Variants in PPIC observed in about 807,000 individuals in gnomAD.
PPIC encodes peptidylprolyl isomerase C, also known as peptidyl-prolyl cis-trans isomerase C.
PPIC carries 19 observed loss-of-function variants against 19.5 expected under a neutral mutation model. The ratio of observed to expected loss-of-function variants is 0.98; its 90% CI spans 0.68 to 1.43. The LOEUF is 1.43. PPIC is among the 40% of genes most tolerant of loss of function. PPIC has a pLI of 0.00. For synonymous variants in PPIC, 107 were observed against 101.2 expected (o/e 1.06, Z -0.34); for missense variants, 268 against 268.6 (o/e 1.00, Z 0.02).
chr5:123,035,964 G>C (rs1166364039), intron 1 of PPIC, among the ~76,000 whole-genome samples: 1 of 152,066 alleles, frequency 6.6e-6, no homozygotes, highest in African/African-American at 2.4e-5. Flanking sequence ...AAGGACGACG[G>C]TTCCCCAAAA....
intron 4 of PPIC, 115 bp downstream of exon 4, chr5:123,025,669 C>T (rs1225296719): frequency 9.4e-7 from 1 of 1,060,768 alleles, no homozygotes; most frequent in Non-Finnish European, 1.4e-6. Context: ...TTTGAAGAGG[C>T]CAGTCAGCTA....
At chr5:123,033,488 C>T (rs1167194621) in intron 1 of PPIC, among the ~76,000 whole-genome samples, 1 of 152,214 alleles carries the variant, frequency 6.6e-6, no homozygotes, top group Non-Finnish European at 1.5e-5. Flanking sequence ...TGCCTGCTCC[C>T]TATCACCTTC....
chr5:123,036,635 T>TG lies in PPIC; in HGVS notation c.-11dup. On this transcript the variant is annotated 5_prime_UTR_variant, in exon 1 of 5. Transcript: ENST00000306442. This position sits in a 1 kb window ranked among gnomAD's most constrained non-coding sequence, Gnocchi z 4.5. ...GAGGACCCGGGCCCATGGTGAGCGG[T>TG]GGCAGCGGCGCTACCGGCACGGGCG... The TG allele has an allele frequency of 6.4e-7, 1 of 1,573,124 alleles. No homozygotes were observed. Among genetic ancestry groups the TG allele is most frequent in the Non-Finnish European group, 8.6e-7 (1 of 1,160,742 alleles).
chr5:123,034,126 G>A (rs1243347856), intron 1 of PPIC, among the ~76,000 whole-genome samples: 1 of 152,174 alleles, frequency 6.6e-6, no homozygotes, highest in African/African-American at 2.4e-5. Flanking sequence ...CAAAAACACT[G>A]CTGGGGAAAA....
intron 1 of PPIC, among the ~76,000 whole-genome samples, chr5:123,031,053 C>A (rs1762933600): frequency 6.6e-6 from 1 of 152,130 alleles, no homozygotes; most frequent in Admixed American, 6.5e-5. Flanking sequence ...TTACACACAG[C>A]CTAGCACACA....
chr5:123,029,094 C>A, intron 2 of PPIC: 1 of 950,456 alleles, frequency 1.1e-6, no homozygotes, highest in Non-Finnish European at 1.5e-6. Flanking sequence ...GAGAGCAAAC[C>A]ATATTTTCAC....
At chr5:123,027,808 C>G (rs1341397094) in intron 3 of PPIC, among the ~76,000 whole-genome samples, 1 of 151,954 alleles carries the variant, frequency 6.6e-6, no homozygotes, top group Non-Finnish European at 1.5e-5. Flanking sequence ...AATCTTAAAT[C>G]TAAAGTAAAT....
chr5:123,025,301 T>C (rs953634902), intron 4 of PPIC, among the ~76,000 whole-genome samples: 1 of 152,146 alleles, frequency 6.6e-6, no homozygotes, highest in African/African-American at 2.4e-5. Context: ...AAATACAACA[T>C]CCCATTTACC....
At chr5:123,024,762 A>G (rs181301083) in intron 4 of PPIC, among the ~76,000 whole-genome samples, 1 of 152,224 alleles carries the variant, frequency 6.6e-6, no homozygotes, top group Admixed American at 6.5e-5. Context: ...AGACTGGTTT[A>G]TTTACATTTG....
In PPIC at chr5:123,034,435, C is replaced by T. The variant is rs145088961; in HGVS notation, c.117+2074G>A. On this transcript the variant is annotated intron_variant, in intron 1 of 4. Transcript: ENST00000306442. ...GGATGCTCAAACCCTTCCCCTCCTG[C>T]AGCCACCAGCTTCCTCCTCTCTTGG... 9.8e-4 allele frequency among the ~76,000 whole-genome samples: 149 copies of T among 152,254 alleles called. 3 individuals carry two copies. Among genetic ancestry groups the T allele is most frequent in the African/African-American group, 3.5e-3 (145 of 41,542 alleles).
intron 3 of PPIC, among the ~76,000 whole-genome samples, chr5:123,027,571 G>A (rs1425041419): frequency 1.3e-5 from 2 of 152,146 alleles, no homozygotes; most frequent in African/African-American, 4.8e-5. Context: ...CAACCTAAAT[G>A]CCTTCCTCCA....
At chr5:123,027,302 T>C (rs955793706) in intron 3 of PPIC, among the ~76,000 whole-genome samples, 19 of 152,190 alleles carry the variant, frequency 1.2e-4, no homozygotes, top group Non-Finnish European at 4.4e-5. Flanking sequence ...CAGAAGGGTC[T>C]ACACTATATT....
At chr5:123,033,324 G>T (rs183239005) in intron 1 of PPIC, among the ~76,000 whole-genome samples, 1 of 152,290 alleles carries the variant, frequency 6.6e-6, no homozygotes, top group Admixed American at 6.5e-5. Context: ...CTAATGCGAG[G>T]TGTTTGAGTC....
rs750956100 is a variant in PPIC at position 123,023,836 on chromosome 5, A to ACG, written c.*38_*39insCG. The ACG allele has an allele frequency of 4.4e-6, 7 of 1,602,830 alleles. No individual in the cohort carries two copies. The highest frequency in any genetic ancestry group is 6.0e-6 in the Non-Finnish European group (7 of 1,174,832). ...CACACACACACACACACACACACAC[A>ACG]CCCCTGCCAAAGCATATCCTTGTTT... is the stretch of plus-strand genomic sequence containing the variant. On this transcript the variant is annotated 3_prime_UTR_variant, in exon 5 of 5. Transcript: ENST00000306442.
At chr5:123,030,459 T>C (rs1202833605) in intron 1 of PPIC, among the ~76,000 whole-genome samples, 3 of 152,000 alleles carry the variant, frequency 2.0e-5, no homozygotes, top group Admixed American at 2.0e-4. Flanking sequence ...ATAAGAACGG[T>C]TGTCAAAGAA....
Position 123,023,356 on chromosome 5 carries a change from C to T in PPIC, c.*519G>A, listed in dbSNP as rs1762791002. 6.6e-6 allele frequency: 1 copy of T among 152,184 alleles called. No homozygotes were observed. The highest frequency in any genetic ancestry group is 1.5e-5 in the Non-Finnish European group (1 of 68,034). 9.4% of individuals were successfully genotyped at this position (152,184 alleles called of 1,614,324 possible). Reference sequence around the variant, plus strand: ...TTTGTATATTTCTTAAAGAACTTTACATTTTTAAAAAGTCTTGCAAAAAGA... The same window carrying T: ...TTTGTATATTTCTTAAAGAACTTTATATTTTTAAAAAGTCTTGCAAAAAGA... On this transcript the variant is annotated 3_prime_UTR_variant, in exon 5 of 5. Coordinates refer to ENST00000306442, the MANE Select transcript of PPIC (RefSeq NM_000943.5).
At chr5:123,029,193 T>C in intron 2 of PPIC, 112 bp downstream of exon 2, 1 of 1,566,212 alleles carries the variant, frequency 6.4e-7, no homozygotes, top group African/African-American at 1.4e-5. Flanking sequence ...AAGTCAAATG[T>C]GGTAAGGTTC....
At chr5:123,025,299 C>T (rs407392) in intron 4 of PPIC, among the ~76,000 whole-genome samples, 35,126 of 152,092 alleles carry the variant, frequency 0.23, 5,190 homozygotes, top group Non-Finnish European at 0.34. Flanking sequence ...TTAAATACAA[C>T]ATCCCATTTA....
intron 1 of PPIC, among the ~76,000 whole-genome samples, chr5:123,030,987 G>A (rs1762932735): frequency 1.3e-5 from 2 of 152,184 alleles, no homozygotes; most frequent in Non-Finnish European, 2.9e-5. Flanking sequence ...AGCATGAGCA[G>A]ATGAAGAAAA....
Sources: allele counts gnomAD v4.1 joint callset (sites outside exome capture counted in the v4.1 genomes callset), GRCh38; gene constraint gnomAD v4.1.1; non-coding constraint Gnocchi (gnomAD v3.1); transcripts MANE v1.5; gene names NCBI Gene and HGNC (gene_info 2026-07-23, HGNC 2026-07-21).